Variants in ABHD12 observed in about 807,000 individuals in gnomAD.
ABHD12 encodes abhydrolase domain containing 12, lysophospholipase.
ABHD12 carries 43 observed loss-of-function variants against 58.3 expected under a neutral mutation model. The observed-to-expected ratio is 0.74, with a 90% CI of 0.58 to 0.95. The LOEUF is 0.95. ABHD12 is among the 40% of genes least tolerant of loss of function. The pLI is 0.00. For missense variants in ABHD12, 539 were observed against 537.2 expected (o/e 1.00, Z -0.03); for synonymous variants, 219 against 211.2 (o/e 1.04, Z -0.32).
chr20:25,386,472 G>C (rs2090092341), intron 1 of ABHD12, among the ~76,000 whole-genome samples: 1 of 151,812 alleles, frequency 6.6e-6, no homozygotes, highest in Non-Finnish European at 1.5e-5. Flanking sequence ...CCGTCAGCCA[G>C]GATGGTCTCG....
chr20:25,309,607 C>G, intron 6 of ABHD12, 32 bp from the exon 7 acceptor site: 1 of 1,612,934 alleles, frequency 6.2e-7, no homozygotes. Flanking sequence ...ACGGGGAGGT[C>G]AAAGGCAGCT....
At chr20:25,324,566 C>T (rs6037085) in intron 2 of ABHD12, among the ~76,000 whole-genome samples, 83,309 of 152,094 alleles carry the variant, frequency 0.55, 23,423 homozygotes, top group Admixed American at 0.61. Context: ...GTCCTGCCCC[C>T]GGGGAAGCTC....
chr20:25,327,543 C>T lies in ABHD12; in HGVS notation c.317-4113G>A, dbSNP rs1028870853. On this transcript the variant is annotated intron_variant, in intron 2 of 12. Coordinates refer to ENST00000339157, the MANE Select transcript of ABHD12 (RefSeq NM_001042472.3). ...AACTGAGACAGTGAAAGAGATCTGA[C>T]CTAACTGACTCCATCTAGCTTCTAA... is the stretch of plus-strand genomic sequence containing the variant. Among the ~76,000 whole-genome samples, 8 of 152,126 alleles carry T rather than the reference C, an allele frequency of 5.3e-5. No homozygotes were observed. The East Asian group carries it at 1.5e-3, about 29-fold the overall frequency.
Position 25,300,556 on chromosome 20 carries a change from T to C in ABHD12, c.*289A>G. The C allele has an allele frequency of 2.1e-6, 3 of 1,396,528 alleles. No homozygotes were observed. The highest frequency in any genetic ancestry group is 1.5e-5 in the South Asian group (1 of 66,674). The allele number at this position is 1,396,528 out of a possible 1,614,324, so 86.5% of individuals were successfully genotyped here. ...GCTCAGTGCAGCATCAAGCAGGCAG[T>C]GATGGCTGCCTGCTGCCATTAAGTC... On this transcript the variant is annotated 3_prime_UTR_variant, in exon 13 of 13. Coordinates refer to ENST00000339157, the MANE Select transcript of ABHD12 (RefSeq NM_001042472.3).
intron 2 of ABHD12, among the ~76,000 whole-genome samples, chr20:25,330,278 G>T (rs1359578618): frequency 6.6e-6 from 1 of 152,260 alleles, no homozygotes; most frequent in African/African-American, 2.4e-5. Flanking sequence ...CGGCACAACA[G>T]GAGATTATAT....
At chr20:25,348,858 G>A (rs146033319) in intron 1 of ABHD12, among the ~76,000 whole-genome samples, 6,356 of 152,006 alleles carry the variant, frequency 0.042, 210 homozygotes, top group Non-Finnish European at 0.058. Context: ...CGAGATGGGC[G>A]GATCACGAGG....
chr20:25,300,372 TACAC>T lies in ABHD12; in HGVS notation c.*469_*472del, dbSNP rs1467425902. On this transcript the variant is annotated 3_prime_UTR_variant, in exon 13 of 13. Coordinates refer to ENST00000339157, the MANE Select transcript of ABHD12 (RefSeq NM_001042472.3). ...GGGGCAGCTGAGAAAGGCAAGCAGG[TACAC>T]AGGGCAGGAGGGGACGATGGAACCA... is the stretch of plus-strand genomic sequence containing the variant. 7.5e-6 allele frequency: 8 copies of T among 1,067,980 alleles called. No individual in the cohort carries two copies. The highest frequency in any genetic ancestry group is 9.1e-6 in the Non-Finnish European group (8 of 878,680). 66.2% of individuals were successfully genotyped at this position (1,067,980 alleles called of 1,614,324 possible).
chr20:25,342,019 A>G (rs1050231138), intron 1 of ABHD12, among the ~76,000 whole-genome samples: 5 of 151,274 alleles, frequency 3.3e-5, no homozygotes, highest in African/African-American at 1.2e-4. Context: ...GTGCCTCAAG[A>G]GAAAGGAAAG....
chr20:25,389,635 C>G (rs1453386832), intron 1 of ABHD12, among the ~76,000 whole-genome samples: 1 of 152,114 alleles, frequency 6.6e-6, no homozygotes, highest in Non-Finnish European at 1.5e-5. Flanking sequence ...GTTCCCATCT[C>G]AGTTTTGAAA....
chr20:25,382,552 G>A (rs963334684), intron 1 of ABHD12, among the ~76,000 whole-genome samples: 1 of 152,190 alleles, frequency 6.6e-6, no homozygotes, highest in African/African-American at 2.4e-5. Flanking sequence ...GGAGGGGAAC[G>A]AAGAGGAGGA....
intron 2 of ABHD12, among the ~76,000 whole-genome samples, chr20:25,334,132 A>G (rs1256639358): frequency 2.1e-4 from 32 of 151,370 alleles, no homozygotes; most frequent in African/African-American, 6.3e-4. Flanking sequence ...AAATCAATGT[A>G]CAAAAATCAC....
chr20:25,329,043 C>G (rs1400369910), intron 2 of ABHD12, among the ~76,000 whole-genome samples: 1 of 152,246 alleles, frequency 6.6e-6, no homozygotes, highest in Non-Finnish European at 1.5e-5. Context: ...GCCAGAAGCA[C>G]TGCTGGCTCA....
At chr20:25,368,636 C>T (rs1030722694) in intron 1 of ABHD12, 2 of 1,377,608 alleles carry the variant, frequency 1.5e-6, no homozygotes, top group South Asian at 1.2e-5. Context: ...AAACCAAATC[C>T]TTTCTCGCCA....
Position 25,320,621 on chromosome 20 carries a change from C to T in ABHD12, c.423-303G>A, listed in dbSNP as rs2089048539. Among the ~76,000 whole-genome samples the T allele has an allele frequency of 2.0e-5, 3 of 152,254 alleles. No individual in the cohort carries two copies. The South Asian group carries it at 6.2e-4, about 31-fold the overall frequency. On this transcript the variant is annotated intron_variant, in intron 3 of 12. Coordinates refer to ENST00000339157, the MANE Select transcript of ABHD12 (RefSeq NM_001042472.3). Reference sequence around the variant, plus strand: ...GCAATGTGCCAGTTACCACTGGGGCCTGGCAGAGAAGCAGCACTTAGTCCA... The same window carrying T: ...GCAATGTGCCAGTTACCACTGGGGCTTGGCAGAGAAGCAGCACTTAGTCCA...
chr20:25,330,908 T>A (rs6050535), intron 2 of ABHD12, among the ~76,000 whole-genome samples: 82,516 of 151,984 alleles, frequency 0.54, 22,999 homozygotes, highest in Admixed American at 0.61. Context: ...GCAGAGCGCC[T>A]CTCCTCCTCC....
At chr20:25,345,928 G>C (rs945841498) in intron 1 of ABHD12, among the ~76,000 whole-genome samples, 1 of 152,094 alleles carries the variant, frequency 6.6e-6, no homozygotes, top group Non-Finnish European at 1.5e-5. Context: ...CAGCAGTCAG[G>C]CTCCTTGGTA....
At chr20:25,309,649 G>A in intron 6 of ABHD12, 74 bp from the exon 7 acceptor site, 1 of 1,600,316 alleles carries the variant, frequency 6.2e-7, no homozygotes. Context: ...CCTCCCCAAG[G>A]GGGCCCAGGG....
intron 1 of ABHD12, among the ~76,000 whole-genome samples, chr20:25,378,980 T>C (rs892783570): frequency 2.0e-5 from 3 of 152,226 alleles, no homozygotes; most frequent in African/African-American, 7.2e-5. Context: ...ATTAATTCTA[T>C]TTAACAATGA....
chr20:25,331,386 A>G (rs1220829571), intron 2 of ABHD12, among the ~76,000 whole-genome samples: 9 of 152,338 alleles, frequency 5.9e-5, no homozygotes, highest in South Asian at 2.1e-4. Context: ...ACTCTGCAGG[A>G]TATTACCCAG....
Sources: allele counts gnomAD v4.1 joint callset (sites outside exome capture counted in the v4.1 genomes callset), GRCh38; gene constraint gnomAD v4.1.1; transcripts MANE v1.5; gene names NCBI Gene and HGNC (gene_info 2026-07-23, HGNC 2026-07-21).